PIK3R1: variants seen among roughly 807,000 people sequenced by gnomAD.
PIK3R1 encodes phosphatidylinositol 3-kinase regulatory subunit alpha.
In PIK3R1, 29 loss-of-function variants were observed where a neutral mutation model predicts 98.0. The observed-to-expected ratio is 0.30, with a 90% CI of 0.22 to 0.40. The LOEUF is 0.40. Among genes scored for constraint, PIK3R1 ranks in the 10% least tolerant of loss-of-function variants. The pLI, the probability that PIK3R1 is intolerant of heterozygous loss-of-function variation, is 1.00. For synonymous variants in PIK3R1, 282 were observed against 311.8 expected (o/e 0.90, Z 1.01); for missense variants, 596 against 872.7 (o/e 0.68, Z 3.99).
chr5:68,221,671 T>A (rs1466025376), intron 1 of PIK3R1, among the ~76,000 whole-genome samples: 1 of 152,262 alleles, frequency 6.6e-6, no homozygotes, highest in African/African-American at 2.4e-5. Flanking sequence ...CAGAGAGGGC[T>A]TTTTTGTTTG....
At position 68,293,795 on chromosome 5, in the gene PIK3R1, A is replaced by T; in HGVS notation, c.1386A>T (p.Glu462Asp). 2 of 1,583,806 alleles carry T rather than the reference A, an allele frequency of 1.3e-6. No individual in the cohort carries two copies. The highest frequency in any genetic ancestry group is 1.7e-6 in the Non-Finnish European group (2 of 1,162,524). Residue 462 changes from glutamate to aspartate, a missense_variant, in exon 11 of 16, where the codon GAA (glutamate) becomes GAT (aspartate). This residue lies in a region of PIK3R1 where 207 missense variants were observed against 361.4 expected (regional missense o/e 0.57). Coordinates refer to ENST00000521381, the MANE Select transcript of PIK3R1 (RefSeq NM_181523.3). Reference protein sequence around the residue: ...YNTQFQEKSREYDRLYEEYTR... With the variant: ...YNTQFQEKSRDYDRLYEEYTR... ...CTCAGTTTCAAGAAAAAAGTCGAGA[A>T]TATGATAGATTATATGAAGAATATA...
rs1017829996 is a variant in PIK3R1 at position 68,299,479 on chromosome 5, G to T, written c.*1878G>T. On this transcript the variant is annotated 3_prime_UTR_variant, in exon 16 of 16. Coordinates refer to ENST00000521381, the MANE Select transcript of PIK3R1 (RefSeq NM_181523.3). The stretch of plus-strand genomic sequence containing the variant: ...AGCATCATGTTTCCCATTTAGGGCA[G>T]GAGTGAGAGGTCTCTCTTCCTGATT... 4.3e-6 allele frequency: 1 copy of T among 233,444 alleles called. No individual in the cohort carries two copies. Among genetic ancestry groups the T allele is most frequent in the Non-Finnish European group, 8.5e-6 (1 of 118,040 alleles). 14.5% of individuals were successfully genotyped at this position (233,444 alleles called of 1,614,324 possible). A position where few individuals can be genotyped will look rare whatever the true frequency, so the allele number is the denominator to read the frequency against.
chr5:68,224,971 C>T (rs1418317401), intron 1 of PIK3R1, among the ~76,000 whole-genome samples: 1 of 152,266 alleles, frequency 6.6e-6, no homozygotes, highest in Non-Finnish European at 1.5e-5. Flanking sequence ...TACTTCCTCT[C>T]TAATATTTTT....
chr5:68,217,675 A>C (rs548200221), intron 1 of PIK3R1: 21 of 136,876 alleles, frequency 1.5e-4, no homozygotes, highest in African/African-American at 5.9e-4. Context: ...CCTGCGGCTA[A>C]AGTTTGGGAA....
intron 1 of PIK3R1, among the ~76,000 whole-genome samples, chr5:68,220,864 A>C (rs1744068585): frequency 6.6e-6 from 1 of 152,172 alleles, no homozygotes; most frequent in Non-Finnish European, 1.5e-5. Context: ...TTCACCCTAA[A>C]TTCATCATTT....
chr5:68,248,970 G>C (rs543218234), intron 2 of PIK3R1, among the ~76,000 whole-genome samples: 1 of 152,196 alleles, frequency 6.6e-6, no homozygotes, highest in Admixed American at 6.5e-5. Context: ...GGATGTCAGC[G>C]TTAGGCTAAT....
chr5:68,298,908 TGGGAGG>T lies in PIK3R1; in HGVS notation c.*1314_*1319del, dbSNP rs1039349078. 2.1e-5 allele frequency: 4 copies of T among 186,524 alleles called. No individual in the cohort carries two copies. The highest frequency in any genetic ancestry group is 1.1e-4 in the African/African-American group (4 of 35,368). The allele number at this position is 186,524 out of a possible 1,614,324, so 11.6% of individuals were successfully genotyped here. A position where few individuals can be genotyped will look rare whatever the true frequency, so the allele number is the denominator to read the frequency against. ...TGAAGGGATGTATCAAGTGGGGTGG[TGGGAGG>T]GGGAGGCAAGGTTATATGCACTTTC... is the stretch of plus-strand genomic sequence containing the variant. On this transcript the variant is annotated 3_prime_UTR_variant, in exon 16 of 16. Coordinates refer to ENST00000521381, the MANE Select transcript of PIK3R1 (RefSeq NM_181523.3).
intron 7 of PIK3R1, among the ~76,000 whole-genome samples, chr5:68,290,303 T>A (rs1747318280): frequency 6.6e-6 from 1 of 152,230 alleles, no homozygotes; most frequent in Admixed American, 6.5e-5. Context: ...ATGACTGGGC[T>A]ATCTATAAAC....
chr5:68,273,807 C>T, intron 3 of PIK3R1, 132 bp from the exon 4 acceptor site: 2 of 744,010 alleles, frequency 2.7e-6, no homozygotes, highest in Non-Finnish European at 4.6e-6. Flanking sequence ...TAGGAGTTGA[C>T]TTCCAAGAAT....
chr5:68,288,056 T>C (rs1747151352), intron 7 of PIK3R1, among the ~76,000 whole-genome samples: 1 of 152,140 alleles, frequency 6.6e-6, no homozygotes, highest in South Asian at 2.1e-4. Context: ...GGTTCAGGCC[T>C]TTACAAGTGA....
At chr5:68,229,390 G>C (rs919612922) in intron 2 of PIK3R1, among the ~76,000 whole-genome samples, 1 of 152,046 alleles carries the variant, frequency 6.6e-6, no homozygotes, top group Non-Finnish European at 1.5e-5. Context: ...TGATAGTTCT[G>C]TTCTATTCTT....
At chr5:68,219,405 A>G (rs1744013828) in intron 1 of PIK3R1, among the ~76,000 whole-genome samples, 1 of 152,210 alleles carries the variant, frequency 6.6e-6, no homozygotes, top group Non-Finnish European at 1.5e-5. Context: ...TAATAAAGCC[A>G]AGGCATCTGG....
chr5:68,249,340 C>A (rs2112060142), intron 2 of PIK3R1, among the ~76,000 whole-genome samples: 1 of 152,278 alleles, frequency 6.6e-6, no homozygotes, highest in East Asian at 1.9e-4. Flanking sequence ...CAACTTTTAT[C>A]CCTTTTTAAT....
In PIK3R1 at chr5:68,262,856, GATAC is replaced by G. The variant is rs1371021679; in HGVS notation, c.335-10531_335-10528del. Reference sequence around the variant, plus strand: ...ACATGTATACATGTAGATACATGTAGATACATGTATACATGTAGATACATGTAGA... The same window carrying G: ...ACATGTATACATGTAGATACATGTAGATGTATACATGTAGATACATGTAGA... On this transcript the variant is annotated intron_variant, in intron 2 of 15. Coordinates refer to ENST00000521381, the MANE Select transcript of PIK3R1 (RefSeq NM_181523.3). Among the ~76,000 whole-genome samples the G allele has an allele frequency of 9.4e-5, 3 of 31,930 alleles. 1 individual carries two copies. The highest frequency in any genetic ancestry group is 1.8e-4 in the Non-Finnish European group (3 of 16,498). The allele number at this position is 31,930 out of a possible 152,430, so 20.9% of individuals were successfully genotyped here.
Position 68,294,564 on chromosome 5 carries a change from A to G in PIK3R1, c.1454A>G (p.Glu485Gly). 6.2e-7 allele frequency: 1 copy of G among 1,610,840 alleles called. No individual in the cohort carries two copies. The highest frequency in any genetic ancestry group is 8.5e-7 in the Non-Finnish European group (1 of 1,178,074). ...ATCCAAATGAAAAGGACAGCTATTG[A>G]AGCATTTAATGAAACCATAAAAATA... ...QEIQMKRTAI[E>G]AFNETIKIFE... The change falls in exon 12 of 16, where the codon GAA becomes GGA. Residue 485 changes from glutamate to glycine, a missense_variant. By Grantham distance (98) the Glu-to-Gly change is moderately conservative. Around this residue, in one of 3 missense-constraint regions of PIK3R1, gnomAD observed 207 missense variants for 361.4 expected, o/e 0.57. Transcript: ENST00000521381.
At chr5:68,262,604 C>CACATGTACCT (rs1561277991) in intron 2 of PIK3R1, among the ~76,000 whole-genome samples, 226 of 113,010 alleles carry the variant, frequency 2.0e-3, no homozygotes, top group Middle Eastern at 5.0e-3. Context: ...TGCATGTATA[C>CACATGTACCT]ACATGTATAC....
Position 68,227,956 on chromosome 5 carries a change from G to A in PIK3R1, c.334+947G>A, listed in dbSNP as rs956991591. 3.3e-5 allele frequency among the ~76,000 whole-genome samples: 5 copies of A among 152,248 alleles called. No individual in the cohort carries two copies. The East Asian group carries it at 7.7e-4, about 24-fold the overall frequency. ...TGTCTTTAAGGTTTATCTTCTGTTC[G>A]GTTTCACACAGAGACAAGCCTTATG... On this transcript the variant is annotated intron_variant, in intron 2 of 15. Coordinates refer to ENST00000521381, the MANE Select transcript of PIK3R1 (RefSeq NM_181523.3).
chr5:68,273,889 C>T, intron 3 of PIK3R1, 50 bp from the exon 4 acceptor site: 1 of 1,417,652 alleles, frequency 7.1e-7, no homozygotes, highest in Middle Eastern at 1.8e-4. Flanking sequence ...ACAGGTTCTC[C>T]AGAGAGCTGT....
chr5:68,292,703 A>G, intron 8 of PIK3R1: 1 of 1,274,968 alleles, frequency 7.8e-7, no homozygotes. Context: ...ATGCCATTTT[A>G]TGTTAGCTTT....
Sources: gnomAD v4.1 joint callset for allele counts (sites outside exome capture counted in the v4.1 genomes callset) on GRCh38, gnomAD v4.1.1 for gene constraint, gnomAD v4.1.1 regional missense constraint, MANE v1.5 for transcripts, NCBI Gene and HGNC (gene_info 2026-07-23, HGNC 2026-07-21) for gene names.